Variants in TRDN observed in about 807,000 individuals in gnomAD.
TRDN encodes the protein triadin.
Under a neutral mutation model 149.7 loss-of-function variants are expected in TRDN, and 161 were observed. The ratio of observed to expected loss-of-function variants is 1.08; its 90% CI spans 0.95 to 1.23. The LOEUF is 1.23. Among genes scored for constraint, TRDN ranks in the 50% most tolerant of loss-of-function variants. The pLI is 0.00. For synonymous variants in TRDN, 294 were observed against 250.5 expected, an observed-to-expected ratio of 1.17 and a Z score of -1.64; for missense variants, 896 against 823.5, an observed-to-expected ratio of 1.09 and a Z score of -1.08.
chr6:123,446,839 A>G (rs1308532582), intron 10 of TRDN, among the ~76,000 whole-genome samples: 1 of 152,154 alleles, frequency 6.6e-6, no homozygotes, highest in Non-Finnish European at 1.5e-5. Context: ...CAAGTGTCTC[A>G]TTGGATTTTG....
At chr6:123,374,638 C>G (rs1453543962) in intron 19 of TRDN, among the ~76,000 whole-genome samples, 1 of 151,884 alleles carries the variant, frequency 6.6e-6, no homozygotes, top group Non-Finnish European at 1.5e-5. Flanking sequence ...TCTGATGTAT[C>G]TACTGACATA....
intron 1 of TRDN, among the ~76,000 whole-genome samples, chr6:123,620,207 C>A (rs560301215): frequency 6.6e-6 from 1 of 152,064 alleles, no homozygotes; most frequent in Non-Finnish European, 1.5e-5. Context: ...ACTAGGGTTG[C>A]GGCTTTAAAA....
At chr6:123,535,983 G>A (rs915807031) in intron 4 of TRDN, among the ~76,000 whole-genome samples, 12 of 152,126 alleles carry the variant, frequency 7.9e-5, no homozygotes, top group African/African-American at 2.9e-4. Context: ...AATTAACACG[G>A]GAGTCAATCT....
intron 24 of TRDN, among the ~76,000 whole-genome samples, chr6:123,284,132 C>G (rs1222956472): frequency 7.3e-6 from 1 of 137,630 alleles, no homozygotes; most frequent in Non-Finnish European, 1.6e-5. Context: ...TTCGACAAGA[C>G]AGAGAAAGAA....
chr6:123,629,704 C>T (rs1785877056), intron 1 of TRDN, among the ~76,000 whole-genome samples: 1 of 152,012 alleles, frequency 6.6e-6, no homozygotes, highest in African/African-American at 2.4e-5. Context: ...GAGGAAACAG[C>T]TCATTTACAT....
intron 10 of TRDN, among the ~76,000 whole-genome samples, chr6:123,453,890 G>GGTGT (rs533210679): frequency 1.1e-3 from 158 of 148,662 alleles, no homozygotes; most frequent in African/African-American, 3.0e-3. Flanking sequence ...AAGAAACTGT[G>GGTGT]GTGTGTGTGT....
At chr6:123,426,293 A>G (rs1222184461) in intron 12 of TRDN, among the ~76,000 whole-genome samples, 1 of 152,162 alleles carries the variant, frequency 6.6e-6, no homozygotes, top group Non-Finnish European at 1.5e-5. Flanking sequence ...AAGGAGTTTT[A>G]AAAAAGGAAC....
At chr6:123,555,492 A>G (rs770800398) in intron 2 of TRDN, among the ~76,000 whole-genome samples, 1 of 152,154 alleles carries the variant, frequency 6.6e-6, no homozygotes, top group Non-Finnish European at 1.5e-5. Flanking sequence ...TTCTAAATGT[A>G]TAGTACTGGA....
At position 123,265,354 on chromosome 6, in the gene TRDN, G is replaced by GA. The variant is rs750605412; in HGVS notation, c.1784-17dup. The GA allele has an allele frequency of 9.3e-4, 1,251 of 1,349,826 alleles. No individual in the cohort carries two copies. Among genetic ancestry groups the GA allele is most frequent in the South Asian group, 1.5e-3 (103 of 69,418 alleles). The allele number at this position is 1,349,826 out of a possible 1,614,324, so 83.6% of individuals were successfully genotyped here. A position where few individuals can be genotyped will look rare whatever the true frequency, so the allele number is the denominator to read the frequency against. Reference sequence around the variant, plus strand: ...TTTGGTTTGTCTAAAAAGGAAAAAAGAAAAAAAAAGAAAATGAGTGATAAT... The same window carrying GA: ...TTTGGTTTGTCTAAAAAGGAAAAAAGAAAAAAAAAAGAAAATGAGTGATAAT... On this transcript the variant is annotated splice_polypyrimidine_tract_variant and intron_variant, in intron 32 of 40. Coordinates refer to ENST00000334268, the MANE Select transcript of TRDN (RefSeq NM_006073.4).
intron 1 of TRDN, among the ~76,000 whole-genome samples, chr6:123,632,600 TA>T (rs1786065241): frequency 1.3e-5 from 2 of 152,040 alleles, no homozygotes; most frequent in South Asian, 4.1e-4. Context: ...CTTATAAGAC[TA>T]AAAATAATAT....
intron 1 of TRDN, among the ~76,000 whole-genome samples, chr6:123,628,458 G>A (rs1288370550): frequency 6.6e-6 from 1 of 151,866 alleles, no homozygotes; most frequent in Non-Finnish European, 1.5e-5. Flanking sequence ...TGATATCAAA[G>A]AACAATGGTC....
At chr6:123,485,488 G>A (rs987456680) in intron 9 of TRDN, among the ~76,000 whole-genome samples, 4 of 152,076 alleles carry the variant, frequency 2.6e-5, no homozygotes, top group African/African-American at 9.7e-5. Flanking sequence ...ATGAGGCAGT[G>A]GAGATTTAAA....
chr6:123,278,387 AAGAT>A, intron 25 of TRDN, 40 bp from the exon 26 acceptor site: 1 of 1,152,820 alleles, frequency 8.7e-7, no homozygotes, highest in Non-Finnish European at 1.2e-6. Flanking sequence ...TGATTATAGA[AAGAT>A]ATTCATTTCC....
chr6:123,516,641 C>T (rs183929620), intron 5 of TRDN, among the ~76,000 whole-genome samples: 10 of 152,040 alleles, frequency 6.6e-5, no homozygotes, highest in Admixed American at 1.3e-4. Context: ...ATGTGTTAAT[C>T]GTCTACAGAA....
At chr6:123,500,130 A>T (rs1778637514) in intron 8 of TRDN, among the ~76,000 whole-genome samples, 1 of 152,100 alleles carries the variant, frequency 6.6e-6, no homozygotes, top group Admixed American at 6.6e-5. Flanking sequence ...TTTCTTATGA[A>T]TTCAGAGGAT....
intron 38 of TRDN, among the ~76,000 whole-genome samples, chr6:123,238,508 T>C (rs931132656): frequency 3.3e-5 from 5 of 152,054 alleles, no homozygotes. Flanking sequence ...AAACCCTCAA[T>C]TTATAGAAGT....
intron 1 of TRDN, among the ~76,000 whole-genome samples, chr6:123,611,648 C>T (rs1218943874): frequency 6.6e-6 from 1 of 152,084 alleles, no homozygotes; most frequent in Non-Finnish European, 1.5e-5. Context: ...AAAAAAGCTG[C>T]ATTTCAGAAA....
intron 10 of TRDN, 61 bp downstream of exon 10, chr6:123,464,845 T>C (rs767110014): frequency 1.3e-6 from 2 of 1,539,838 alleles, no homozygotes; most frequent in Non-Finnish European, 1.8e-6. Context: ...TTGTTGTTGC[T>C]GTTCCTCTAC....
chr6:123,353,728 A>G (rs1780553073), intron 20 of TRDN, among the ~76,000 whole-genome samples: 1 of 151,792 alleles, frequency 6.6e-6, no homozygotes, highest in Admixed American at 6.6e-5. Context: ...ACAGATATCC[A>G]AAAATTTGAA....
Sources: allele counts gnomAD v4.1 joint callset (sites outside exome capture counted in the v4.1 genomes callset), GRCh38; gene constraint gnomAD v4.1.1; transcripts MANE v1.5; gene names NCBI Gene and HGNC (gene_info 2026-07-23, HGNC 2026-07-21).